SMCO2: variants seen among roughly 807,000 people sequenced by gnomAD.
SMCO2 encodes single-pass membrane and coiled-coil domain-containing protein 2.
A neutral mutation model predicts 29.5 loss-of-function variants in SMCO2; 25 were observed. The observed-to-expected ratio is 0.85, with a 90% CI of 0.62 to 1.18. The LOEUF (loss-of-function observed/expected upper bound fraction) is 1.18, where lower values mean the gene tolerates loss of function less well. Ranked by LOEUF, SMCO2 falls within the 50% of genes most tolerant of loss-of-function variation. The probability of loss-of-function intolerance (pLI) is 0.00; values close to 1 mark genes in which losing one functional copy is unlikely to be tolerated. For synonymous variants in SMCO2, 117 were observed against 123.3 expected (o/e 0.95, Z 0.34); for missense variants, 348 against 344.5 (o/e 1.01, Z -0.08).
At chr12:27,491,001 A>C (rs548996598) in intron 5 of SMCO2, among the ~76,000 whole-genome samples, 4 of 152,336 alleles carry the variant, frequency 2.6e-5, no homozygotes, top group South Asian at 2.1e-4. Flanking sequence ...AAATTGTTAC[A>C]GAAGCAAAGT....
chr12:27,457,491 G>C, the SMCO2 span, among the ~76,000 whole-genome samples: 1 of 152,156 alleles, frequency 6.6e-6, no homozygotes, highest in Non-Finnish European at 1.5e-5. Flanking sequence ...ATAGTCTTTT[G>C]TGAGTTTTCA....
At chr12:27,479,360 C>T (rs933705934) in intron 4 of SMCO2, among the ~76,000 whole-genome samples, 4 of 151,348 alleles carry the variant, frequency 2.6e-5, no homozygotes, top group Admixed American at 2.0e-4. Flanking sequence ...TCATCTGGCC[C>T]CAGGATGGTG....
In SMCO2 at chr12:27,472,094, C is replaced by T. The variant is rs548508978; in HGVS notation, c.135-682C>T. On this transcript the variant is annotated intron_variant, in intron 2 of 7. Coordinates refer to ENST00000298876, the Ensembl canonical transcript of SMCO2. ...TATTTTACAGCCCCACAATGGAATA[C>T]CATATTGCCATTTTAAAAACGAAGC... Among the ~76,000 whole-genome samples, 85 of 152,118 alleles carry T rather than the reference C, an allele frequency of 5.6e-4. 1 individual carries two copies. The highest frequency in any genetic ancestry group is 1.0e-3 in the South Asian group (5 of 4,814).
the SMCO2 span, among the ~76,000 whole-genome samples, chr12:27,440,320 C>A: frequency 6.6e-6 from 1 of 152,188 alleles, no homozygotes; most frequent in African/African-American, 2.4e-5. Flanking sequence ...AGAGAATTCA[C>A]CAACACCAGT....
chr12:27,426,350 G>A, the SMCO2 span, among the ~76,000 whole-genome samples: 1 of 152,144 alleles, frequency 6.6e-6, no homozygotes, highest in Non-Finnish European at 1.5e-5. Context: ...CAACTTTGGG[G>A]TAGAAGATGC....
chr12:27,477,210 GTTTTTTTTTT>G lies in SMCO2; in HGVS notation c.362+2313_362+2322del, dbSNP rs770789669. Among the ~76,000 whole-genome samples the G allele has an allele frequency of 1.9e-4, 12 of 62,654 alleles. No homozygotes were observed. The East Asian group carries it at 8.9e-3, about 46-fold the overall frequency. The allele number at this position is 62,654 out of a possible 152,430, so 41.1% of individuals were successfully genotyped here. A position where few individuals can be genotyped will look rare whatever the true frequency, so the allele number is the denominator to read the frequency against. On this transcript the variant is annotated intron_variant, in intron 4 of 7. Coordinates refer to ENST00000298876, the Ensembl canonical transcript of SMCO2. ...TGGGTATAGTATTCTTGGCTGTCAG[GTTTTTTTTTT>G]TTTTTTTTTTTTTTTCCTCTCAGCA...
chr12:27,495,636 C>T, intron 6 of SMCO2, 44 bp from the exon 8 acceptor site: 1 of 1,416,962 alleles, frequency 7.1e-7, no homozygotes, highest in Non-Finnish European at 9.4e-7. Context: ...GACTTGGAGA[C>T]ATTTAGAATT....
chr12:27,446,900 G>A, the SMCO2 span, among the ~76,000 whole-genome samples: 1 of 152,106 alleles, frequency 6.6e-6, no homozygotes, highest in Non-Finnish European at 1.5e-5. Context: ...CTGGTCCAGG[G>A]ACCATGCTTT....
chr12:27,433,526 C>CACAG, the SMCO2 span, among the ~76,000 whole-genome samples: 1 of 151,284 alleles, frequency 6.6e-6, no homozygotes, highest in African/African-American at 2.4e-5. Flanking sequence ...CACACACACA[C>CACAG]ACACACACAC....
chr12:27,455,471 GC>G, the SMCO2 span, among the ~76,000 whole-genome samples: 3 of 152,118 alleles, frequency 2.0e-5, no homozygotes, highest in Non-Finnish European at 4.4e-5. Context: ...ATCACAAATT[GC>G]TTTCAGAAGA....
At chr12:27,459,668 G>A in the SMCO2 span, among the ~76,000 whole-genome samples, 8 of 152,174 alleles carry the variant, frequency 5.3e-5, no homozygotes, top group Admixed American at 1.3e-4. Context: ...GACAGGGACC[G>A]TGATTCTTTC....
At chr12:27,492,795 G>A (rs1942938952) in intron 5 of SMCO2, among the ~76,000 whole-genome samples, 2 of 152,124 alleles carry the variant, frequency 1.3e-5, no homozygotes, top group Admixed American at 1.3e-4. Context: ...AGAGCTAAAA[G>A]CAGAACTACC....
chr12:27,483,579 C>T (rs966925171), intron 4 of SMCO2, among the ~76,000 whole-genome samples: 1 of 151,820 alleles, frequency 6.6e-6, no homozygotes, highest in African/African-American at 2.4e-5. Context: ...CCATGATGCC[C>T]AGCTAATTTT....
At chr12:27,470,301 C>A (rs776198) in intron 1 of SMCO2, among the ~76,000 whole-genome samples, 125,777 of 152,120 alleles carry the variant, frequency 0.83, 52,527 homozygotes, top group Middle Eastern at 0.94. Context: ...AATCAGAAAG[C>A]GATTAAAAAA....
chr12:27,434,014 A>G, the SMCO2 span, among the ~76,000 whole-genome samples: 1 of 152,218 alleles, frequency 6.6e-6, no homozygotes, highest in African/African-American at 2.4e-5. Context: ...AAAACATCTT[A>G]AAGCTTAATG....
intron 1 of SMCO2, among the ~76,000 whole-genome samples, chr12:27,469,321 A>G (rs1178756212): frequency 6.6e-6 from 1 of 152,226 alleles, no homozygotes; most frequent in African/African-American, 2.4e-5. Flanking sequence ...GCCATCACAC[A>G]TCAAAGGTTC....
intron 7 of SMCO2, chr12:27,498,132 A>G: frequency 2.8e-6 from 1 of 360,330 alleles, no homozygotes; most frequent in South Asian, 3.0e-5. Flanking sequence ...AAATAAACTG[A>G]ACTTTCCCAT....
At chr12:27,460,409 G>A in the SMCO2 span, among the ~76,000 whole-genome samples, 1 of 152,114 alleles carries the variant, frequency 6.6e-6, no homozygotes, top group Non-Finnish European at 1.5e-5. Flanking sequence ...CACAGATTTT[G>A]TACGTTATTT....
At chr12:27,438,753 TC>T in the SMCO2 span, among the ~76,000 whole-genome samples, 1 of 142,504 alleles carries the variant, frequency 7.0e-6, no homozygotes, top group East Asian at 2.1e-4. Flanking sequence ...AGCTGGCTTC[TC>T]CCCCCACCCA....
Sources: gnomAD v4.1 joint callset for allele counts (sites outside exome capture counted in the v4.1 genomes callset) on GRCh38, gnomAD v4.1.1 for gene constraint, MANE v1.5 for transcripts, NCBI Gene and HGNC (gene_info 2026-07-23, HGNC 2026-07-21) for gene names.